The following CLEC16A variants were observed in gnomAD, a reference collection of about 807,000 sequenced individuals.
CLEC16A encodes protein CLEC16A.
A neutral mutation model predicts 109.5 loss-of-function variants in CLEC16A; 51 were observed. That is an observed-to-expected ratio of 0.47 (90% CI 0.37 to 0.59). CLEC16A has a LOEUF of 0.59. CLEC16A is among the 20% of genes least tolerant of loss of function. The pLI, the probability that CLEC16A is intolerant of heterozygous loss-of-function variation, is 0.00. For synonymous variants in CLEC16A, 673 were observed against 564.2 expected (o/e 1.19, Z -2.73); for missense variants, 1,339 against 1,394.0 (o/e 0.96, Z 0.63).
intron 20 of CLEC16A, among the ~76,000 whole-genome samples, chr16:11,122,432 G>C (rs531930747): frequency 6.6e-6 from 1 of 152,226 alleles, no homozygotes; most frequent in Admixed American, 6.5e-5. Flanking sequence ...TTTCTCCCCT[G>C]AAGAATTAAT....
At chr16:11,017,771 A>G (rs1296031964) in intron 11 of CLEC16A, among the ~76,000 whole-genome samples, 1 of 152,174 alleles carries the variant, frequency 6.6e-6, no homozygotes, top group Non-Finnish European at 1.5e-5. Context: ...AAGACATTGC[A>G]CAAACCCAGA....
At chr16:11,121,879 CAAAAAAA>C (rs536067685) in intron 20 of CLEC16A, among the ~76,000 whole-genome samples, 436 of 29,814 alleles carry the variant, frequency 0.015, 3 homozygotes, top group South Asian at 0.13. Flanking sequence ...GACCCTGTCT[CAAAAAAA>C]AAAAAAAAAA....
intron 11 of CLEC16A, among the ~76,000 whole-genome samples, chr16:11,006,341 C>T (rs1304767644): frequency 3.3e-5 from 5 of 152,220 alleles, no homozygotes; most frequent in Admixed American, 2.0e-4. Context: ...GATGCTGGGC[C>T]AGCAGAAATA....
intron 5 of CLEC16A, 117 bp from the exon 6 acceptor site, chr16:10,972,437 C>G: frequency 1.2e-6 from 1 of 858,278 alleles, no homozygotes. Flanking sequence ...CAGATGCCTC[C>G]CACCCTAGTC....
chr16:11,070,156 C>T (rs1186293180), intron 19 of CLEC16A, among the ~76,000 whole-genome samples: 2 of 151,826 alleles, frequency 1.3e-5, no homozygotes, highest in Admixed American at 6.6e-5. Flanking sequence ...CTGCAAGCTC[C>T]GCCTCCCGGG....
At chr16:10,971,268 T>C (rs772317085) in intron 5 of CLEC16A, 38 bp downstream of exon 5, 5 of 1,472,840 alleles carry the variant, frequency 3.4e-6, no homozygotes, top group Non-Finnish European at 4.7e-6. Flanking sequence ...GGCTGATTTC[T>C]GACTTGGCAG....
intron 22 of CLEC16A, among the ~76,000 whole-genome samples, chr16:11,160,449 A>G (rs2054683122): frequency 6.6e-6 from 1 of 152,146 alleles, no homozygotes. Flanking sequence ...ACCACATGGG[A>G]AAGAGTTGAC....
At chr16:11,027,270 G>C (rs896718080) in intron 13 of CLEC16A, 1 of 1,548,460 alleles carries the variant, frequency 6.5e-7, no homozygotes, top group Non-Finnish European at 8.8e-7. Context: ...GGAATTGCCA[G>C]ATAAACATTC....
In CLEC16A at chr16:11,146,002, C is replaced by T. The variant is rs75491916; in HGVS notation, c.2641+19856C>T. Among the ~76,000 whole-genome samples, 528 of 152,362 alleles carry T rather than the reference C, an allele frequency of 3.5e-3. 10 individuals are homozygous for T. In the East Asian group the frequency reaches 0.051, roughly 15 times the overall value. On this transcript the variant is annotated intron_variant, in intron 22 of 23. Transcript: ENST00000409790. ...CACTTCAAGGCAACTTAAGGGGCCT[C>T]TCCGCAGCCTTGACCTTGCTAGGTA...
chr16:11,028,977 C>T (rs1018330065), intron 13 of CLEC16A, among the ~76,000 whole-genome samples: 3 of 152,054 alleles, frequency 2.0e-5, no homozygotes, highest in South Asian at 2.1e-4. Context: ...GATTTTTCTC[C>T]TGCTTTTGGA....
intron 19 of CLEC16A, among the ~76,000 whole-genome samples, chr16:11,113,353 A>G (rs1011039858): frequency 6.6e-5 from 10 of 152,082 alleles, no homozygotes; most frequent in African/African-American, 2.4e-4. Context: ...TAACATACCT[A>G]TTTTCCCTTT....
At chr16:11,099,675 T>C (rs1313311578) in intron 19 of CLEC16A, among the ~76,000 whole-genome samples, 1 of 152,194 alleles carries the variant, frequency 6.6e-6, no homozygotes, top group Admixed American at 6.5e-5. Flanking sequence ...CTGTCAACTC[T>C]GCTGGGGCCC....
chr16:10,960,778 G>T (rs983161048), intron 2 of CLEC16A, among the ~76,000 whole-genome samples: 35 of 152,128 alleles, frequency 2.3e-4, no homozygotes, highest in African/African-American at 8.5e-4. Flanking sequence ...TATTAATATG[G>T]ACTCGTGGAT....
At chr16:10,949,855 A>G (rs1219542125) in intron 1 of CLEC16A, among the ~76,000 whole-genome samples, 1 of 152,024 alleles carries the variant, frequency 6.6e-6, no homozygotes, top group Non-Finnish European at 1.5e-5. Flanking sequence ...ATCCAGGTGT[A>G]TCTCCTGTTG....
At chr16:10,960,244 T>G (rs2042191855) in intron 2 of CLEC16A, among the ~76,000 whole-genome samples, 1 of 152,236 alleles carries the variant, frequency 6.6e-6, no homozygotes, top group Non-Finnish European at 1.5e-5. Flanking sequence ...ATCTCCTTTC[T>G]GTCCTAGCAT....
chr16:11,156,324 T>A (rs2054514781), intron 22 of CLEC16A, among the ~76,000 whole-genome samples: 1 of 149,658 alleles, frequency 6.7e-6, no homozygotes, highest in South Asian at 2.1e-4. Flanking sequence ...GAGCCAGGAT[T>A]GTGCCACTGC....
intron 19 of CLEC16A, among the ~76,000 whole-genome samples, chr16:11,110,438 G>A (rs991096467): frequency 2.0e-5 from 3 of 152,182 alleles, no homozygotes; most frequent in African/African-American, 7.2e-5. Context: ...AGAGCCCGGG[G>A]GGCCTGTGTA....
At chr16:11,100,389 C>G (rs962116361) in intron 19 of CLEC16A, among the ~76,000 whole-genome samples, 1 of 152,320 alleles carries the variant, frequency 6.6e-6, no homozygotes, top group Middle Eastern at 3.4e-3. Context: ...CACGGCCCGG[C>G]CAAAGTGAAG....
At chr16:11,148,271 C>T (rs959594439) in intron 22 of CLEC16A, among the ~76,000 whole-genome samples, 4 of 152,166 alleles carry the variant, frequency 2.6e-5, no homozygotes, top group Non-Finnish European at 4.4e-5. Context: ...CAACCACGTC[C>T]AACTCATGCC....
Sources: gnomAD v4.1 joint callset for allele counts (sites outside exome capture counted in the v4.1 genomes callset) on GRCh38, gnomAD v4.1.1 for gene constraint, MANE v1.5 for transcripts, NCBI Gene and HGNC (gene_info 2026-07-23, HGNC 2026-07-21) for gene names.